SLC25A48: variants seen among roughly 807,000 people sequenced by gnomAD.
The protein encoded by SLC25A48 is solute carrier family 25 member 48.
Under a neutral mutation model 32.2 loss-of-function variants are expected in SLC25A48, and 29 were observed. The ratio of observed to expected loss-of-function variants is 0.90; its 90% CI spans 0.67 to 1.23. The LOEUF (loss-of-function observed/expected upper bound fraction) is 1.23, where lower values mean the gene tolerates loss of function less well. SLC25A48 is among the 50% of genes most tolerant of loss of function. The probability of loss-of-function intolerance (pLI) is 0.00; values close to 1 mark genes in which losing one functional copy is unlikely to be tolerated. For missense variants in SLC25A48, 399 were observed against 422.7 expected (o/e 0.94, Z 0.49); for synonymous variants, 164 against 172.3 (o/e 0.95, Z 0.38).
chr5:135,758,341 A>G (rs1471751516), intron 3 of SLC25A48, among the ~76,000 whole-genome samples: 1 of 150,820 alleles, frequency 6.6e-6, no homozygotes, highest in Non-Finnish European at 1.5e-5. Flanking sequence ...TTAATAGAAT[A>G]TCATCTCTAT....
At chr5:135,713,260 T>C (rs1754713517) in intron 3 of SLC25A48, among the ~76,000 whole-genome samples, 1 of 152,202 alleles carries the variant, frequency 6.6e-6, no homozygotes, top group Admixed American at 6.5e-5. Context: ...CTAATATATA[T>C]TTTGCTCTTT....
At chr5:135,773,779 C>A (rs759407609) in intron 3 of SLC25A48, among the ~76,000 whole-genome samples, 16 of 151,432 alleles carry the variant, frequency 1.1e-4, no homozygotes, top group Non-Finnish European at 1.6e-4. Context: ...TATGATATTA[C>A]TCCCAATATC....
intron 1 of SLC25A48, among the ~76,000 whole-genome samples, chr5:135,612,302 T>C (rs573048965): frequency 6.6e-6 from 1 of 152,228 alleles, no homozygotes; most frequent in African/African-American, 2.4e-5. Flanking sequence ...ATGTGATACT[T>C]TGCTGAATGC....
intron 3 of SLC25A48, among the ~76,000 whole-genome samples, chr5:135,736,746 C>A (rs1755369979): frequency 6.6e-6 from 1 of 152,178 alleles, no homozygotes; most frequent in South Asian, 2.1e-4. Flanking sequence ...CAAGGGAAGA[C>A]TGTCTTCCCA....
At chr5:135,621,068 T>C (rs756995861) in intron 1 of SLC25A48, among the ~76,000 whole-genome samples, 1 of 152,268 alleles carries the variant, frequency 6.6e-6, no homozygotes, top group Admixed American at 6.5e-5. Flanking sequence ...TCAGCCATCT[T>C]GAAGCCCCTT....
chr5:135,823,900 C>T (rs770975384), intron 4 of SLC25A48, among the ~76,000 whole-genome samples: 41 of 152,176 alleles, frequency 2.7e-4, no homozygotes, highest in Non-Finnish European at 3.8e-4. Flanking sequence ...CAAGAGAAGG[C>T]CTGTGTGGCT....
chr5:135,823,686 C>T (rs559469599), intron 4 of SLC25A48, among the ~76,000 whole-genome samples: 77 of 152,282 alleles, frequency 5.1e-4, no homozygotes, highest in African/African-American at 1.6e-3. Flanking sequence ...AGCAGAGGAA[C>T]GGGTGCTCTG....
intron 1 of SLC25A48, among the ~76,000 whole-genome samples, chr5:135,610,530 A>T (rs550769303): frequency 1.3e-5 from 2 of 152,310 alleles, no homozygotes; most frequent in East Asian, 3.9e-4. Flanking sequence ...GAAGACATTG[A>T]CAGCAATAAT....
At chr5:135,653,920 G>A (rs1466507999) in intron 3 of SLC25A48, 3 of 456,150 alleles carry the variant, frequency 6.6e-6, no homozygotes, top group African/African-American at 6.0e-5. Context: ...TTCTCATAGG[G>A]AATGTTGTTC....
chr5:135,724,470 G>T (rs555890576), intron 3 of SLC25A48, among the ~76,000 whole-genome samples: 1 of 152,330 alleles, frequency 6.6e-6, no homozygotes, highest in South Asian at 2.1e-4. Context: ...TCTAAAGCTC[G>T]CAAGATGGGC....
chr5:135,627,137 C>A (rs1013023600), intron 1 of SLC25A48, among the ~76,000 whole-genome samples: 1 of 152,172 alleles, frequency 6.6e-6, no homozygotes, highest in Admixed American at 6.5e-5. Context: ...CTGCTCAGAT[C>A]CATGTCAGGC....
intron 3 of SLC25A48, among the ~76,000 whole-genome samples, chr5:135,703,734 C>T (rs781044226): frequency 7.2e-5 from 11 of 152,220 alleles, no homozygotes; most frequent in East Asian, 1.9e-4. Context: ...GTGACTGGCC[C>T]TGCCAGACCG....
At position 135,789,196 on chromosome 5, in the gene SLC25A48, A is replaced by ACC. The variant is rs372761797; in HGVS notation, c.-520-23325_-520-23324dup. Among the ~76,000 whole-genome samples, 62 of 70,032 alleles carry ACC rather than the reference A, an allele frequency of 8.9e-4. 1 individual carries two copies. Among genetic ancestry groups the ACC allele is most frequent in the African/African-American group, 2.2e-3 (60 of 27,446 alleles). 45.9% of individuals were successfully genotyped at this position (70,032 alleles called of 152,430 possible). On this transcript the variant is annotated intron_variant, in intron 3 of 10. Coordinates refer to the SLC25A48 transcript ENST00000646290. ...AGTCCCCATGTTGCGGTGGGTGTAC[A>ACC]CCCTCCCCCGCCACGATATGGTTTG...
At chr5:135,840,893 A>G (rs1006408604) in intron 1 of SLC25A48, among the ~76,000 whole-genome samples, 4 of 152,172 alleles carry the variant, frequency 2.6e-5, no homozygotes, top group Admixed American at 2.6e-4. Flanking sequence ...TGGTACTTGT[A>G]CTTGTTTTAG....
intron 3 of SLC25A48, among the ~76,000 whole-genome samples, chr5:135,808,634 G>C (rs150526433): frequency 6.6e-6 from 1 of 152,128 alleles, no homozygotes; most frequent in Non-Finnish European, 1.5e-5. Flanking sequence ...GAGAGGACCA[G>C]AGCCCGCTTG....
At chr5:135,768,081 C>A (rs1028236703) in intron 3 of SLC25A48, among the ~76,000 whole-genome samples, 36 of 148,914 alleles carry the variant, frequency 2.4e-4, no homozygotes, top group African/African-American at 8.6e-4. Context: ...CGGGTGTACA[C>A]CCCCCTGTGA....
rs780756165 is a variant in SLC25A48, at chr5:135,723,440, C to T, written c.-521+88484C>T. On this transcript the variant is annotated intron_variant, in intron 3 of 10. Coordinates refer to the SLC25A48 transcript ENST00000646290. ...ATGGGGAGGGGGACAGCTCTAGGGA[C>T]GTCTGAGGTACATGCATTCCCCTGC... is the stretch of plus-strand genomic sequence containing the variant. Among the ~76,000 whole-genome samples, 10 of 135,492 alleles carry T rather than the reference C, an allele frequency of 7.4e-5. No individual in the cohort carries two copies. The South Asian group carries it at 1.0e-3, about 14-fold the overall frequency. 88.9% of individuals were successfully genotyped at this position (135,492 alleles called of 152,430 possible).
At chr5:135,750,941 C>T (rs189343360) in intron 3 of SLC25A48, among the ~76,000 whole-genome samples, 6 of 152,300 alleles carry the variant, frequency 3.9e-5, no homozygotes, top group Middle Eastern at 3.4e-3. Context: ...TCTGGGTTGA[C>T]CCACGGGAGG....
chr5:135,664,529 C>G (rs1343064600), intron 3 of SLC25A48, among the ~76,000 whole-genome samples: 1 of 152,088 alleles, frequency 6.6e-6, no homozygotes, highest in African/African-American at 2.4e-5. Context: ...TTTGGTGCAC[C>G]CTTCACCCAA....
Sources: gnomAD v4.1 joint callset for allele counts (sites outside exome capture counted in the v4.1 genomes callset) on GRCh38, gnomAD v4.1.1 for gene constraint, MANE v1.5 for transcripts, NCBI Gene and HGNC (gene_info 2026-07-23, HGNC 2026-07-21) for gene names.